PEX13: variants seen among roughly 807,000 people sequenced by gnomAD.
PEX13 encodes peroxisomal biogenesis factor 13.
Under a neutral mutation model 34.5 loss-of-function variants are expected in PEX13, and 28 were observed. That is an observed-to-expected ratio of 0.81 (90% CI 0.60 to 1.11). The LOEUF is 1.11. Among genes scored for constraint, PEX13 ranks in the 50% most tolerant of loss-of-function variants. The pLI is 0.00. For synonymous variants in PEX13, 177 were observed against 175.1 expected (o/e 1.01, Z -0.09); for missense variants, 550 against 491.0 (o/e 1.12, Z -1.13).
At chr2:61,030,566 A>G (rs1208233715) in intron 1 of PEX13, among the ~76,000 whole-genome samples, 1 of 152,214 alleles carries the variant, frequency 6.6e-6, no homozygotes, top group African/African-American at 2.4e-5. Context: ...CAGAGAAAAT[A>G]CAGGTGTTAG....
rs772904123 is a variant in PEX13, at chr2:61,045,687, T to C, written c.788-39T>C. On this transcript the variant is annotated intron_variant, in intron 2 of 3. Coordinates refer to ENST00000295030, the MANE Select transcript of PEX13 (RefSeq NM_002618.4). ...CCAGTGAAATATCTGCATTTTTCTT[T>C]TGTAAATTTTATTAACCTAATTTTA... 5.0e-6 allele frequency: 8 copies of C among 1,599,488 alleles called. 2 individuals carry two copies. In the South Asian group the frequency reaches 5.5e-5, roughly 11 times the overall value.
At chr2:61,022,373 C>T (rs1034692584) in intron 1 of PEX13, among the ~76,000 whole-genome samples, 8 of 152,130 alleles carry the variant, frequency 5.3e-5, no homozygotes, top group Non-Finnish European at 1.2e-4. Flanking sequence ...ACAAGAACTT[C>T]GTGATGCACG....
At chr2:61,031,289 C>T (rs1680444792) in intron 1 of PEX13, 130 bp from the exon 2 acceptor site, 1 of 754,628 alleles carries the variant, frequency 1.3e-6, no homozygotes, top group Admixed American at 2.0e-5. Context: ...GAGACCCTGT[C>T]TCTAAATCAA....
Position 61,048,595 on chromosome 2 carries a change from G to C in PEX13, c.1037G>C (p.Ser346Thr), listed in dbSNP as rs370969309. ...KRKGRKTVES[S>T]KVSKQQQSFT... is the part of the protein sequence containing the mutation. ...AAAGGTAGGAAAACGGTGGAATCAAGTAAAGTTTCCAAGCAGCAACAATCT... is the reference window on the plus strand; with the variant it reads ...AAAGGTAGGAAAACGGTGGAATCAACTAAAGTTTCCAAGCAGCAACAATCT... The change falls in exon 4 of 4, where the codon AGT becomes ACT. Residue 346 changes from serine (S) to threonine (T), a missense_variant. Coordinates refer to ENST00000295030, the MANE Select transcript of PEX13 (RefSeq NM_002618.4). The C allele has an allele frequency of 6.2e-7, 1 of 1,614,100 alleles. No homozygotes were observed. The highest frequency in any genetic ancestry group is 8.5e-7 in the Non-Finnish European group (1 of 1,179,994).
intron 1 of PEX13, among the ~76,000 whole-genome samples, chr2:61,025,229 C>T (rs956851806): frequency 6.6e-6 from 1 of 151,718 alleles, no homozygotes; most frequent in African/African-American, 2.4e-5. Flanking sequence ...CCACTGCACC[C>T]AGCTAATTTT....
chr2:61,040,587 G>C (rs112723806), intron 2 of PEX13, among the ~76,000 whole-genome samples: 5 of 151,774 alleles, frequency 3.3e-5, no homozygotes, highest in African/African-American at 1.2e-4. Context: ...GGCCTGTCAG[G>C]GGGTGGAGGG....
At chr2:61,026,486 T>C (rs1028959115) in intron 1 of PEX13, among the ~76,000 whole-genome samples, 3 of 151,892 alleles carry the variant, frequency 2.0e-5, no homozygotes, top group African/African-American at 7.3e-5. Context: ...GAGCTGAGAT[T>C]ACAGGCGCCC....
At chr2:61,034,609 C>G (rs993988694) in intron 2 of PEX13, among the ~76,000 whole-genome samples, 1 of 152,220 alleles carries the variant, frequency 6.6e-6, no homozygotes, top group Non-Finnish European at 1.5e-5. Context: ...TGCCCAAATA[C>G]AGCGCTTTTC....
intron 2 of PEX13, among the ~76,000 whole-genome samples, chr2:61,040,640 G>A (rs146629683): frequency 3.3e-5 from 5 of 151,778 alleles, no homozygotes; most frequent in Admixed American, 6.6e-5. Flanking sequence ...TAATGTAAAC[G>A]ACGAGTTGAT....
At chr2:61,033,530 C>G (rs925996521) in intron 2 of PEX13, among the ~76,000 whole-genome samples, 3 of 152,148 alleles carry the variant, frequency 2.0e-5, no homozygotes, top group African/African-American at 7.2e-5. Context: ...TTCTAAAAAT[C>G]TCTGCCTTTG....
chr2:61,021,210 C>A (rs557759630), intron 1 of PEX13, among the ~76,000 whole-genome samples: 1 of 152,108 alleles, frequency 6.6e-6, no homozygotes, highest in African/African-American at 2.4e-5. Context: ...CAAATCGAGG[C>A]GGGGCATCAC....
Position 61,049,888 on chromosome 2 carries a change from G to A in PEX13, c.*1118G>A, listed in dbSNP as rs1450366655. On this transcript the variant is annotated 3_prime_UTR_variant, in exon 4 of 4. Coordinates refer to ENST00000295030, the MANE Select transcript of PEX13 (RefSeq NM_002618.4). ...CTACAACAAATACTTGAGTTCTTTT[G>A]AGTTTGCACTTAATGATATAATCAG... 6.6e-6 allele frequency: 1 copy of A among 152,192 alleles called. No individual in the cohort carries two copies. The highest frequency in any genetic ancestry group is 1.5e-5 in the Non-Finnish European group (1 of 68,008). 9.4% of individuals were successfully genotyped at this position (152,192 alleles called of 1,614,324 possible). A position where few individuals can be genotyped will look rare whatever the true frequency, so the allele number is the denominator to read the frequency against.
chr2:61,036,048 TTAATG>T (rs1680529597), intron 2 of PEX13, among the ~76,000 whole-genome samples: 1 of 148,830 alleles, frequency 6.7e-6, no homozygotes, highest in Non-Finnish European at 1.5e-5. Flanking sequence ...GAAGATCAAA[TTAATG>T]AAATAAAACA....
intron 1 of PEX13, among the ~76,000 whole-genome samples, chr2:61,026,813 G>T (rs1226053126): frequency 6.6e-6 from 1 of 151,586 alleles, no homozygotes; most frequent in African/African-American, 2.4e-5. Flanking sequence ...TTTTTAAATT[G>T]GGTTTTATAC....
intron 3 of PEX13, among the ~76,000 whole-genome samples, chr2:61,046,110 A>C (rs894657540): frequency 2.0e-5 from 3 of 152,216 alleles, no homozygotes; most frequent in Admixed American, 6.5e-5. Flanking sequence ...AAAATACTTG[A>C]ATTTCAAACT....
chr2:61,039,456 G>C (rs1680584721), intron 2 of PEX13, among the ~76,000 whole-genome samples: 1 of 152,072 alleles, frequency 6.6e-6, no homozygotes, highest in Admixed American at 6.6e-5. Context: ...ACAACCATCT[G>C]ATCTTTGACA....
chr2:61,024,810 G>GAACAAA (rs1472744506), intron 1 of PEX13, among the ~76,000 whole-genome samples: 1 of 151,768 alleles, frequency 6.6e-6, no homozygotes. Context: ...CTCCATCTAA[G>GAACAAA]AACAAAAACA....
intron 2 of PEX13, among the ~76,000 whole-genome samples, chr2:61,043,827 T>C (rs1680664344): frequency 6.6e-6 from 1 of 152,174 alleles, no homozygotes; most frequent in Admixed American, 6.5e-5. Context: ...AAGGTTTAAG[T>C]TTTATTTTAT....
At position 61,031,526 on chromosome 2, in the gene PEX13, G is replaced by GT. The variant is rs1288976071; in HGVS notation, c.201dup (p.Val68CysfsTer5). ...CCATCACAGCAGACAGGAAGTAGCA[G>GT]TGTGAACACTTTTAGACCTGCTTAC... is the stretch of plus-strand genomic sequence containing the variant. On this transcript the variant is annotated frameshift_variant, in exon 2 of 4. Transcript: ENST00000295030. LOFTEE classifies it high-confidence loss of function. 1 of 1,614,042 alleles carries GT rather than the reference G, an allele frequency of 6.2e-7. No homozygotes were observed. The highest frequency in any genetic ancestry group is 1.7e-5 in the Admixed American group (1 of 59,996).
Sources: allele counts gnomAD v4.1 joint callset (sites outside exome capture counted in the v4.1 genomes callset), GRCh38; gene constraint gnomAD v4.1.1; transcripts MANE v1.5; gene names NCBI Gene and HGNC (gene_info 2026-07-23, HGNC 2026-07-21).